Variants in MAGI2 observed in about 807,000 individuals in gnomAD.
MAGI2 encodes the protein membrane associated guanylate kinase, WW and PDZ domain containing 2.
MAGI2 carries 35 observed loss-of-function variants against 133.3 expected under a neutral mutation model. The observed-to-expected ratio is 0.26, with a 90% CI of 0.20 to 0.35. MAGI2 has a LOEUF of 0.35. Among genes scored for constraint, MAGI2 ranks in the 10% least tolerant of loss-of-function variants. MAGI2 has a pLI of 1.00. For missense variants in MAGI2, 1,636 were observed against 1,863.4 expected (o/e 0.88, Z 2.25); for synonymous variants, 729 against 710.6 (o/e 1.03, Z -0.41).
At chr7:78,168,158 C>A (rs1030667265) in intron 14 of MAGI2, 50 bp from the exon 15 acceptor site, 9 of 1,277,088 alleles carry the variant, frequency 7.0e-6, no homozygotes, top group Non-Finnish European at 9.7e-6. Context: ...ATCCTTTTTC[C>A]TTTTTTTTTT....
At chr7:78,300,102 T>C (rs1228441664) in intron 9 of MAGI2, among the ~76,000 whole-genome samples, 1 of 152,216 alleles carries the variant, frequency 6.6e-6, no homozygotes, top group African/African-American at 2.4e-5. Context: ...CCTGTGACTT[T>C]GTTATCCACA....
At chr7:78,063,340 C>G (rs966059538) in intron 21 of MAGI2, among the ~76,000 whole-genome samples, 9 of 152,168 alleles carry the variant, frequency 5.9e-5, no homozygotes, top group Admixed American at 5.9e-4. Context: ...CTACTGGGCT[C>G]AAGAAATCCT....
At chr7:78,826,216 T>C (rs1163078904) in intron 2 of MAGI2, among the ~76,000 whole-genome samples, 2 of 151,340 alleles carry the variant, frequency 1.3e-5, no homozygotes, top group African/African-American at 2.4e-5. Context: ...TAGCCAGGTG[T>C]GGTGGCAGGC....
chr7:79,251,353 T>A (rs1188816649), intron 1 of MAGI2, among the ~76,000 whole-genome samples: 2 of 152,060 alleles, frequency 1.3e-5, no homozygotes, highest in African/African-American at 4.8e-5. Flanking sequence ...AAGAGATTAT[T>A]AACCAGAATA....
intron 1 of MAGI2, among the ~76,000 whole-genome samples, chr7:79,220,559 A>G (rs924728740): frequency 6.6e-6 from 1 of 151,954 alleles, no homozygotes; most frequent in East Asian, 1.9e-4. Context: ...TGGACCCTTT[A>G]AAGAACCTCT....
intron 2 of MAGI2, among the ~76,000 whole-genome samples, chr7:78,857,701 G>A (rs1042400404): frequency 2.6e-5 from 4 of 152,148 alleles, no homozygotes; most frequent in African/African-American, 9.7e-5. Context: ...CAGGGATATT[G>A]GTCTAAAATT....
chr7:78,673,898 G>A (rs1228577178), intron 2 of MAGI2, among the ~76,000 whole-genome samples: 3 of 152,128 alleles, frequency 2.0e-5, no homozygotes, highest in African/African-American at 7.2e-5. Flanking sequence ...CCACAGAATT[G>A]TATAAGTGTT....
intron 2 of MAGI2, among the ~76,000 whole-genome samples, chr7:78,980,771 G>A (rs745834219): frequency 2.6e-5 from 4 of 151,178 alleles, no homozygotes; most frequent in Non-Finnish European, 5.9e-5. Flanking sequence ...GTTCAGTTTC[G>A]TTTTTTGTTT....
chr7:78,775,853 T>C (rs890410747), intron 2 of MAGI2, among the ~76,000 whole-genome samples: 1 of 152,224 alleles, frequency 6.6e-6, no homozygotes, highest in Non-Finnish European at 1.5e-5. Flanking sequence ...TAACACTGTA[T>C]TGTATCTTAT....
intron 6 of MAGI2, among the ~76,000 whole-genome samples, chr7:78,447,588 C>T (rs959131724): frequency 1.3e-5 from 2 of 151,992 alleles, no homozygotes; most frequent in Admixed American, 6.6e-5. Flanking sequence ...ATGTCAGTGA[C>T]ATTTCAAGTG....
chr7:79,224,340 T>G (rs367564953), intron 1 of MAGI2, among the ~76,000 whole-genome samples: 1 of 151,984 alleles, frequency 6.6e-6, no homozygotes, highest in South Asian at 2.1e-4. Context: ...AGCAATCTGG[T>G]CTTGGCCCGT....
intron 6 of MAGI2, among the ~76,000 whole-genome samples, chr7:78,435,872 T>TA (rs1412494838): frequency 6.6e-6 from 1 of 152,148 alleles, no homozygotes; most frequent in African/African-American, 2.4e-5. Context: ...ATCCCTTGCC[T>TA]AAAAACACAT....
At chr7:78,650,102 G>T (rs1438895136) in intron 2 of MAGI2, among the ~76,000 whole-genome samples, 1 of 152,106 alleles carries the variant, frequency 6.6e-6, no homozygotes. Context: ...AGGTAACTCA[G>T]TAACTCAAAA....
intron 1 of MAGI2, among the ~76,000 whole-genome samples, chr7:79,161,890 G>T (rs1324774463): frequency 6.6e-6 from 1 of 152,074 alleles, no homozygotes; most frequent in African/African-American, 2.4e-5. Context: ...TCGAGGCTTA[G>T]ACTAGAATAC....
intron 2 of MAGI2, among the ~76,000 whole-genome samples, chr7:78,779,142 G>A (rs1038060551): frequency 6.6e-6 from 1 of 152,032 alleles, no homozygotes; most frequent in South Asian, 2.1e-4. Flanking sequence ...TCCTGACCTC[G>A]TTATCTGCCT....
chr7:79,231,838 G>C (rs1247956555), intron 1 of MAGI2, among the ~76,000 whole-genome samples: 2 of 151,594 alleles, frequency 1.3e-5, no homozygotes, highest in African/African-American at 4.8e-5. Flanking sequence ...ATGTTGAATA[G>C]GAGTGGTGAG....
At chr7:78,179,873 T>G (rs1268391721) in intron 13 of MAGI2, among the ~76,000 whole-genome samples, 2 of 152,214 alleles carry the variant, frequency 1.3e-5, no homozygotes, top group Non-Finnish European at 2.9e-5. Context: ...TTCTGAAGTC[T>G]GTATATCATA....
chr7:78,544,998 C>T (rs998455919), intron 3 of MAGI2, among the ~76,000 whole-genome samples: 13 of 151,092 alleles, frequency 8.6e-5, no homozygotes, highest in African/African-American at 3.2e-4. Flanking sequence ...TGGCTGTTTA[C>T]ATTACTTATG....
intron 2 of MAGI2, among the ~76,000 whole-genome samples, chr7:78,975,268 C>A (rs1804145870): frequency 6.6e-6 from 1 of 151,724 alleles, no homozygotes. Context: ...TCAAGATAGA[C>A]CACATTGTGG....
Sources: gnomAD v4.1 joint callset for allele counts (sites outside exome capture counted in the v4.1 genomes callset) on GRCh38, gnomAD v4.1.1 for gene constraint, MANE v1.5 for transcripts, NCBI Gene and HGNC (gene_info 2026-07-23, HGNC 2026-07-21) for gene names.